IL1RAPL2: variants seen among roughly 807,000 people sequenced by gnomAD.
The protein encoded by IL1RAPL2 is interleukin 1 receptor accessory protein like 2, also known as X-linked interleukin-1 receptor accessory protein-like 2.
In IL1RAPL2, 3 loss-of-function variants were observed where a neutral mutation model predicts 44.1. The observed-to-expected ratio is 0.07, with a 90% CI of 0.03 to 0.18. IL1RAPL2 has a LOEUF of 0.18. IL1RAPL2 is among the 10% of genes least tolerant of loss of function. The pLI is 1.00. For missense variants in IL1RAPL2, 391 were observed against 496.4 expected (o/e 0.79, Z 2.02); for synonymous variants, 181 against 178.8 (o/e 1.01, Z -0.10).
chrX:104,612,033 T>G (rs1929173278), intron 1 of IL1RAPL2, among the ~76,000 whole-genome samples: 1 of 110,268 alleles, frequency 9.1e-6, no homozygotes, highest in South Asian at 3.9e-4. Context: ...TTAATGAGGT[T>G]GTTTGTTTTT....
rs546417467 is a variant in IL1RAPL2, at chrX:105,449,119, A to T, written c.698-35194A>T. 4.4e-3 allele frequency among the ~76,000 whole-genome samples: 483 copies of T among 110,868 alleles called. 2 individuals carry two copies. The highest frequency in any genetic ancestry group is 0.023 in the South Asian group (61 of 2,617). ...GTGTTAATGCTTGTAAATGTTTGTAAGTGTCTGGGCAATGAAGATTAAGTA... is the reference window on the plus strand; with the variant it reads ...GTGTTAATGCTTGTAAATGTTTGTATGTGTCTGGGCAATGAAGATTAAGTA... On this transcript the variant is annotated intron_variant, in intron 5 of 10. Coordinates refer to ENST00000372582, the MANE Select transcript of IL1RAPL2 (RefSeq NM_017416.2).
chrX:104,725,371 C>T (rs182466553), intron 2 of IL1RAPL2, among the ~76,000 whole-genome samples: 17 of 111,120 alleles, frequency 1.5e-4, no homozygotes, highest in Non-Finnish European at 2.8e-4. Flanking sequence ...TATAGTTGAA[C>T]GTTTTATAAT....
intron 2 of IL1RAPL2, among the ~76,000 whole-genome samples, chrX:104,719,288 G>A (rs1330237726): frequency 4.5e-5 from 5 of 111,813 alleles, no homozygotes; most frequent in African/African-American, 1.6e-4. Context: ...AAATGTATTG[G>A]TTCATGCTAT....
intron 10 of IL1RAPL2, among the ~76,000 whole-genome samples, chrX:105,761,178 C>CA (rs1206941648): frequency 0.051 from 1,797 of 35,232 alleles, 30 homozygotes; most frequent in Non-Finnish European, 0.074. Flanking sequence ...GACTCCGTCT[C>CA]AAAAAAAAAA....
intron 6 of IL1RAPL2, among the ~76,000 whole-genome samples, chrX:105,679,028 T>C (rs1040415128): frequency 2.8e-4 from 28 of 101,785 alleles, no homozygotes; most frequent in Non-Finnish European, 3.6e-4. Flanking sequence ...AAGTTTCTCT[T>C]TTTTTTTTTT....
chrX:104,752,723 C>T (rs778135564), intron 2 of IL1RAPL2, among the ~76,000 whole-genome samples: 5 of 110,566 alleles, frequency 4.5e-5, no homozygotes, highest in South Asian at 3.9e-4. Context: ...GGTGTGGGTG[C>T]GTTTTCTTGG....
chrX:105,254,847 G>A (rs778501265), intron 4 of IL1RAPL2, among the ~76,000 whole-genome samples: 6 of 111,821 alleles, frequency 5.4e-5, no homozygotes, highest in Non-Finnish European at 1.1e-4. Context: ...CAGCTTTGTC[G>A]AAGATCAGAT....
At chrX:104,871,367 T>A (rs1922757204) in intron 2 of IL1RAPL2, among the ~76,000 whole-genome samples, 1 of 111,752 alleles carries the variant, frequency 8.9e-6, no homozygotes, top group Admixed American at 9.6e-5. Context: ...TATTGTCACA[T>A]GATAATACAA....
chrX:105,340,603 G>A (rs1001881453), intron 5 of IL1RAPL2, among the ~76,000 whole-genome samples: 1 of 111,634 alleles, frequency 9.0e-6, no homozygotes. Context: ...GAGCATCCTG[G>A]GGAAGTTTCT....
At chrX:105,272,171 T>C (rs2034451921) in intron 5 of IL1RAPL2, among the ~76,000 whole-genome samples, 1 of 105,474 alleles carries the variant, frequency 9.5e-6, no homozygotes, top group African/African-American at 3.5e-5. Context: ...TTGGGAGATA[T>C]ACCTAATGCT....
At chrX:105,168,705 C>A (rs1471375715) in intron 2 of IL1RAPL2, among the ~76,000 whole-genome samples, 5 of 109,772 alleles carry the variant, frequency 4.6e-5, no homozygotes, top group African/African-American at 1.7e-4. Context: ...TGTTCCAGCC[C>A]TAAAGCAATC....
chrX:105,009,317 C>G (rs2031002749), intron 2 of IL1RAPL2, among the ~76,000 whole-genome samples: 1 of 110,554 alleles, frequency 9.0e-6, no homozygotes, highest in African/African-American at 3.3e-5. Context: ...TATTGCAGCA[C>G]TATTCACAAT....
chrX:105,600,680 A>G, intron 6 of IL1RAPL2, among the ~76,000 whole-genome samples: 1 of 88,247 alleles, frequency 1.1e-5, no homozygotes, highest in African/African-American at 4.0e-5. Flanking sequence ...ATTTGATAAT[A>G]GAATATTTAA....
intron 2 of IL1RAPL2, among the ~76,000 whole-genome samples, chrX:104,968,277 A>C (rs2030164577): frequency 8.9e-6 from 1 of 111,734 alleles, no homozygotes; most frequent in Non-Finnish European, 1.9e-5. Context: ...GAAAGTAATA[A>C]AATTATATCA....
chrX:104,906,367 A>G (rs759614418), intron 2 of IL1RAPL2, among the ~76,000 whole-genome samples: 128 of 110,734 alleles, frequency 1.2e-3, no homozygotes, highest in African/African-American at 4.0e-3. Context: ...GAGAGAGGGC[A>G]TCCCTGTCTT....
At chrX:105,455,419 G>A (rs1472820720) in intron 5 of IL1RAPL2, among the ~76,000 whole-genome samples, 2 of 111,953 alleles carry the variant, frequency 1.8e-5, no homozygotes, top group African/African-American at 6.5e-5. Context: ...AGATGGTATT[G>A]CCTAGGTTGT....
At chrX:105,094,581 A>T (rs1173195277) in intron 2 of IL1RAPL2, among the ~76,000 whole-genome samples, 1 of 111,258 alleles carries the variant, frequency 9.0e-6, no homozygotes, top group Non-Finnish European at 1.9e-5. Flanking sequence ...CACTGTTCTG[A>T]TTACTATAGC....
chrX:105,344,797 T>C (rs912854955), intron 5 of IL1RAPL2, among the ~76,000 whole-genome samples: 9 of 112,034 alleles, frequency 8.0e-5, no homozygotes, highest in African/African-American at 2.9e-4. Flanking sequence ...CCTGGTTATA[T>C]GCCATAAATA....
At position 105,238,346 on chromosome X, in the gene IL1RAPL2, CT is replaced by C. The variant is rs200747780; in HGVS notation, c.543+4346del. Among the ~76,000 whole-genome samples the C allele has an allele frequency of 8.2e-4, 92 of 112,197 alleles. 1 individual carries two copies. The East Asian group carries it at 0.023, about 28-fold the overall frequency. On this transcript the variant is annotated intron_variant, in intron 4 of 10. Coordinates refer to ENST00000372582, the MANE Select transcript of IL1RAPL2 (RefSeq NM_017416.2). ...CTAAACATGATTTAACAATTTCCCC[CT>C]TTTATTCATCCTCTCATTTTGAGAG...
Sources: allele counts gnomAD v4.1 joint callset (sites outside exome capture counted in the v4.1 genomes callset), GRCh38; gene constraint gnomAD v4.1.1; transcripts MANE v1.5; gene names NCBI Gene and HGNC (gene_info 2026-07-23, HGNC 2026-07-21).